Variants in WWP1 observed in about 807,000 individuals in gnomAD.
WWP1 encodes WW domain containing E3 ubiquitin protein ligase 1, also known as NEDD4-like E3 ubiquitin-protein ligase WWP1.
In WWP1, 49 loss-of-function variants were observed where a neutral mutation model predicts 130.6. That is an observed-to-expected ratio of 0.38 (90% CI 0.30 to 0.48). The LOEUF (loss-of-function observed/expected upper bound fraction) is 0.48. Ranked by LOEUF, WWP1 falls within the 20% of genes least tolerant of loss-of-function variation. The pLI is 0.99. For missense variants in WWP1, 809 were observed against 1,100.6 expected (o/e 0.74, Z 3.75); for synonymous variants, 332 against 367.8 (o/e 0.90, Z 1.11).
At chr8:86,347,850 T>C (rs184019858) in intron 1 of WWP1, among the ~76,000 whole-genome samples, 153 of 152,344 alleles carry the variant, frequency 1.0e-3, no homozygotes, top group Non-Finnish European at 1.9e-3. Flanking sequence ...AAAATATATA[T>C]AGATTGGGTA....
intron 1 of WWP1, among the ~76,000 whole-genome samples, chr8:86,362,163 C>CATATATATATACAAGGCAT (rs1823686887): frequency 3.4e-5 from 2 of 59,028 alleles, no homozygotes; most frequent in Non-Finnish European, 5.6e-5. Flanking sequence ...ATATACAAGG[C>CATATATATATACAAGGCAT]ATATATATAT....
intron 1 of WWP1, among the ~76,000 whole-genome samples, chr8:86,364,542 A>G (rs1489835763): frequency 6.6e-6 from 1 of 152,220 alleles, no homozygotes; most frequent in East Asian, 1.9e-4. Flanking sequence ...ATCTTTAAAA[A>G]TAAAAAATAT....
intron 3 of WWP1, among the ~76,000 whole-genome samples, chr8:86,378,242 G>A (rs895831971): frequency 2.0e-5 from 3 of 152,002 alleles, no homozygotes; most frequent in Non-Finnish European, 4.4e-5. Flanking sequence ...ATCAGTTGGT[G>A]TTTTTATTTT....
At chr8:86,409,161 G>A (rs1410336505) in intron 8 of WWP1, among the ~76,000 whole-genome samples, 1 of 150,358 alleles carries the variant, frequency 6.7e-6, no homozygotes, top group Non-Finnish European at 1.5e-5. Flanking sequence ...ATACTGAATT[G>A]GCTTGGTAAT....
chr8:86,392,937 A>G (rs1807438334), intron 5 of WWP1, among the ~76,000 whole-genome samples: 2 of 152,222 alleles, frequency 1.3e-5, no homozygotes, highest in Non-Finnish European at 2.9e-5. Flanking sequence ...AGTTCTACTA[A>G]TTTATATACA....
chr8:86,431,192 AAT>A (rs1809952576), intron 12 of WWP1, among the ~76,000 whole-genome samples: 1 of 140,422 alleles, frequency 7.1e-6, no homozygotes, highest in Non-Finnish European at 1.5e-5. Context: ...TCTATAATAT[AAT>A]ATATATTATA....
At chr8:86,369,416 T>C (rs1352067604) in intron 2 of WWP1, among the ~76,000 whole-genome samples, 1 of 152,182 alleles carries the variant, frequency 6.6e-6, no homozygotes. Context: ...AGTTACTGCT[T>C]ACCAGAACAT....
intron 22 of WWP1, 70 bp from the exon 23 acceptor site, chr8:86,461,154 A>G (rs754713572): frequency 3.7e-6 from 5 of 1,358,742 alleles, no homozygotes; most frequent in Non-Finnish European, 5.2e-6. Flanking sequence ...AATTTCTTCA[A>G]GTGTCTACTA....
At chr8:86,407,045 C>G (rs1015301894) in intron 8 of WWP1, among the ~76,000 whole-genome samples, 2 of 152,110 alleles carry the variant, frequency 1.3e-5, no homozygotes, top group Non-Finnish European at 2.9e-5. Flanking sequence ...TCTTGTAACC[C>G]AGAAGTCATA....
intron 1 of WWP1, among the ~76,000 whole-genome samples, chr8:86,362,839 C>T (rs1014466630): frequency 9.2e-5 from 14 of 152,090 alleles, no homozygotes; most frequent in African/African-American, 3.1e-4. Flanking sequence ...ATTAGTATCT[C>T]AAAAGCACCT....
At chr8:86,343,928 T>C (rs1822402979) in intron 1 of WWP1, among the ~76,000 whole-genome samples, 1 of 152,188 alleles carries the variant, frequency 6.6e-6, no homozygotes, top group Non-Finnish European at 1.5e-5. Flanking sequence ...TTTGGTGTTT[T>C]TACCTGAAAT....
intron 18 of WWP1, 68 bp from the exon 19 acceptor site, chr8:86,448,080 T>C: frequency 1.5e-6 from 2 of 1,369,068 alleles, no homozygotes; most frequent in African/African-American, 3.0e-5. Flanking sequence ...GATTTTTCTT[T>C]TATCATTGTT....
chr8:86,374,777 A>T (rs530074386), intron 3 of WWP1, among the ~76,000 whole-genome samples: 3 of 151,890 alleles, frequency 2.0e-5, no homozygotes, highest in Non-Finnish European at 4.4e-5. Flanking sequence ...TGGCGCAAAC[A>T]TACCTCCTTG....
intron 1 of WWP1, among the ~76,000 whole-genome samples, chr8:86,362,039 T>TATATACACAC (rs1563465360): frequency 4.8e-5 from 6 of 125,476 alleles, no homozygotes; most frequent in Non-Finnish European, 6.6e-5. Context: ...TACACACACA[T>TATATACACAC]ATATATACAC....
rs143208760 is a variant in WWP1, at chr8:86,453,633, G to T, written c.2394+954G>T. Among the ~76,000 whole-genome samples the T allele has an allele frequency of 3.7e-4, 57 of 152,162 alleles. 1 individual carries two copies. Among genetic ancestry groups the T allele is most frequent in the African/African-American group, 1.3e-3 (55 of 41,536 alleles). ...TACCATACTGTTTTCTATATCAGTT[G>T]CATCATTTTACATTCCTATTAAACA... On this transcript the variant is annotated intron_variant, in intron 21 of 24. Transcript: ENST00000517970.
At chr8:86,407,651 G>A (rs1262664524) in intron 8 of WWP1, among the ~76,000 whole-genome samples, 3 of 152,048 alleles carry the variant, frequency 2.0e-5, no homozygotes, top group Non-Finnish European at 4.4e-5. Flanking sequence ...ATCTTAATGC[G>A]GTTCTGAGCA....
At chr8:86,460,619 C>G (rs1363202392) in intron 22 of WWP1, among the ~76,000 whole-genome samples, 2 of 152,042 alleles carry the variant, frequency 1.3e-5, no homozygotes, top group Admixed American at 1.3e-4. Context: ...ACATAAATGA[C>G]TTAACCTTTC....
rs1211559244 is a variant in WWP1, at chr8:86,425,289, A to T, written c.1128A>T (p.Thr376=). ...TGGATCATAATACTCGAACTACCAC[A>T]TGGGAGAGACCACAACCTTTACCTC... ...YYVDHNTRTT[T]WERPQPLPPG... The change falls in exon 10 of 25, where the codon ACA becomes ACT. Residue 376 remains threonine, a synonymous_variant. Coordinates refer to ENST00000517970, the MANE Select transcript of WWP1 (RefSeq NM_007013.4). 10 of 1,613,328 alleles carry T rather than the reference A, an allele frequency of 6.2e-6. No homozygotes were observed. The highest frequency in any genetic ancestry group is 8.5e-6 in the Non-Finnish European group (10 of 1,179,614).
intron 9 of WWP1, among the ~76,000 whole-genome samples, chr8:86,414,427 CAT>C (rs1355437461): frequency 6.6e-6 from 1 of 152,148 alleles, no homozygotes; most frequent in African/African-American, 2.4e-5. Flanking sequence ...TTTAGGTTGA[CAT>C]AAGATGGGTC....
Sources: gnomAD v4.1 joint callset for allele counts (sites outside exome capture counted in the v4.1 genomes callset) on GRCh38, gnomAD v4.1.1 for gene constraint, MANE v1.5 for transcripts, NCBI Gene and HGNC (gene_info 2026-07-23, HGNC 2026-07-21) for gene names.